The following SH3RF3 variants were observed in gnomAD, a reference collection of about 807,000 sequenced individuals.
The protein encoded by SH3RF3 is E3 ubiquitin-protein ligase SH3RF3.
Under a neutral mutation model 66.3 loss-of-function variants are expected in SH3RF3, and 29 were observed. The ratio of observed to expected loss-of-function variants is 0.44; its 90% CI spans 0.33 to 0.60. The LOEUF (loss-of-function observed/expected upper bound fraction) is 0.60. SH3RF3 is among the 20% of genes least tolerant of loss of function. The pLI, the probability that SH3RF3 is intolerant of heterozygous loss-of-function variation, is 0.04. For synonymous variants in SH3RF3, 583 were observed against 532.0 expected (o/e 1.10, Z -1.32); for missense variants, 1,194 against 1,190.9 (o/e 1.00, Z -0.04).
rs70956302 is a variant in SH3RF3 at position 109,163,390 on chromosome 2, C to CTTTTTTT, written c.573+33297_573+33303dup. ...AATAGATTAACCAAGAGCAAATATT[C>CTTTTTTT]TTTTTTTTTTTTTTTTTTTTTTTTT... On this transcript the variant is annotated intron_variant, in intron 1 of 9. Coordinates refer to ENST00000309415, the MANE Select transcript of SH3RF3 (RefSeq NM_001099289.3). 1.1e-4 allele frequency among the ~76,000 whole-genome samples: 8 copies of CTTTTTTT among 70,266 alleles called. 1 individual carries two copies. The highest frequency in any genetic ancestry group is 3.5e-4 in the African/African-American group (6 of 16,934). 46.1% of individuals were successfully genotyped at this position (70,266 alleles called of 152,430 possible).
At chr2:109,387,525 C>G (rs1675855162) in intron 3 of SH3RF3, among the ~76,000 whole-genome samples, 1 of 152,230 alleles carries the variant, frequency 6.6e-6, no homozygotes, top group Admixed American at 6.5e-5. Context: ...CTGTTCCCAC[C>G]TGCCCATCAC....
At chr2:109,349,820 G>A (rs565700152) in intron 2 of SH3RF3, among the ~76,000 whole-genome samples, 283 of 152,364 alleles carry the variant, frequency 1.9e-3, no homozygotes, top group African/African-American at 6.2e-3. Flanking sequence ...CATATAACCT[G>A]CTGCATTCCA....
intron 2 of SH3RF3, among the ~76,000 whole-genome samples, chr2:109,368,716 A>G (rs1476324864): frequency 6.6e-6 from 1 of 150,828 alleles, no homozygotes; most frequent in African/African-American, 2.4e-5. Flanking sequence ...TTTAAAAAAA[A>G]AAAAAAAGAA....
intron 1 of SH3RF3, among the ~76,000 whole-genome samples, chr2:109,314,223 C>G (rs944510795): frequency 6.6e-6 from 1 of 152,122 alleles, no homozygotes; most frequent in Non-Finnish European, 1.5e-5. Context: ...CCATGTGGGT[C>G]ATGTATATTT....
At chr2:109,282,768 G>T (rs971802168) in intron 1 of SH3RF3, among the ~76,000 whole-genome samples, 2 of 152,226 alleles carry the variant, frequency 1.3e-5, no homozygotes, top group African/African-American at 4.8e-5. Flanking sequence ...GGAGAAAGCT[G>T]CAGAAGAGCT....
chr2:109,401,684 C>T (rs551476873), intron 4 of SH3RF3, among the ~76,000 whole-genome samples: 7 of 152,194 alleles, frequency 4.6e-5, no homozygotes, highest in Non-Finnish European at 1.0e-4. Flanking sequence ...CCCACAGGCC[C>T]CTGAGATGTG....
At chr2:109,314,188 G>C (rs1262592002) in intron 1 of SH3RF3, among the ~76,000 whole-genome samples, 2 of 152,162 alleles carry the variant, frequency 1.3e-5, no homozygotes, top group Non-Finnish European at 2.9e-5. Flanking sequence ...CAGCGGGTGG[G>C]TGTCCAGAGA....
In SH3RF3 at chr2:109,130,109, CA is replaced by C; in HGVS notation, c.572del (p.Lys191ArgfsTer79). The C allele has an allele frequency of 7.5e-7, 1 of 1,325,724 alleles. No individual in the cohort carries two copies. Among genetic ancestry groups the C allele is most frequent in the South Asian group, 2.0e-5 (1 of 48,964 alleles). 82.1% of individuals were successfully genotyped at this position (1,325,724 alleles called of 1,614,324 possible). A position where few individuals can be genotyped will look rare whatever the true frequency, so the allele number is the denominator to read the frequency against. On this transcript the variant is annotated frameshift_variant, in exon 1 of 10. Coordinates refer to ENST00000309415, the MANE Select transcript of SH3RF3 (RefSeq NM_001099289.3). LOFTEE classifies it high-confidence loss of function. ...GCGACCAGCAGGACCGCGCCGGCGG[CA>C]AAGGTGAGTATCTGTCTCGGCGGAA... The part of the protein sequence containing the change: ...ELATSRTAPA[A>X]KNPCLLPYGK...
At chr2:109,365,368 C>T (rs144194370) in intron 2 of SH3RF3, among the ~76,000 whole-genome samples, 2 of 152,310 alleles carry the variant, frequency 1.3e-5, no homozygotes, top group Admixed American at 6.5e-5. Context: ...CCCTCCTAGC[C>T]GAGCACTGCT....
intron 2 of SH3RF3, among the ~76,000 whole-genome samples, chr2:109,369,229 T>G (rs1255027193): frequency 6.7e-6 from 1 of 149,732 alleles, no homozygotes; most frequent in Admixed American, 6.6e-5. Flanking sequence ...GCACCTGTAG[T>G]CCCAGCTACT....
intron 1 of SH3RF3, among the ~76,000 whole-genome samples, chr2:109,143,193 A>G (rs1490057136): frequency 6.6e-6 from 1 of 152,240 alleles, no homozygotes; most frequent in African/African-American, 2.4e-5. Context: ...TGGTGCATAT[A>G]GAAAAATTGT....
intron 9 of SH3RF3, among the ~76,000 whole-genome samples, chr2:109,500,907 A>G (rs892484879): frequency 6.6e-6 from 1 of 152,190 alleles, no homozygotes; most frequent in African/African-American, 2.4e-5. Flanking sequence ...CTAGGATCAT[A>G]CCACGGCACT....
intron 8 of SH3RF3, among the ~76,000 whole-genome samples, chr2:109,486,403 A>G (rs1204559354): frequency 2.0e-5 from 3 of 152,176 alleles, no homozygotes; most frequent in Non-Finnish European, 2.9e-5. Context: ...AGGCAGGTGG[A>G]GGTCTTGGAT....
At chr2:109,240,985 C>A (rs1273410558) in intron 1 of SH3RF3, among the ~76,000 whole-genome samples, 1 of 152,040 alleles carries the variant, frequency 6.6e-6, no homozygotes, top group Non-Finnish European at 1.5e-5. Context: ...TCCACATCTC[C>A]CCAAAAACTC....
At chr2:109,405,237 A>G (rs529382000) in intron 4 of SH3RF3, among the ~76,000 whole-genome samples, 17 of 151,932 alleles carry the variant, frequency 1.1e-4, no homozygotes, top group African/African-American at 3.9e-4. Context: ...AACCGATGAC[A>G]CCCCTCTTTC....
At chr2:109,342,738 C>T (rs1019615169) in intron 1 of SH3RF3, among the ~76,000 whole-genome samples, 2 of 152,220 alleles carry the variant, frequency 1.3e-5, no homozygotes, top group African/African-American at 4.8e-5. Context: ...ATGCCTGATT[C>T]CAGTAGAAGC....
chr2:109,234,122 T>C (rs1392053503), intron 1 of SH3RF3, among the ~76,000 whole-genome samples: 1 of 152,216 alleles, frequency 6.6e-6, no homozygotes, highest in African/African-American at 2.4e-5. Flanking sequence ...AATTTCCTTA[T>C]AGGAAATGCC....
intron 1 of SH3RF3, among the ~76,000 whole-genome samples, chr2:109,245,055 C>A (rs908001821): frequency 1.3e-5 from 2 of 152,142 alleles, no homozygotes; most frequent in African/African-American, 4.8e-5. Context: ...GTTGTCTGGG[C>A]AGCCTTGTGC....
Position 109,129,659 on chromosome 2 carries a change from C to CG in SH3RF3, c.124dup (p.Ala42GlyfsTer171). On this transcript the variant is annotated frameshift_variant, in exon 1 of 10. Transcript: ENST00000309415. LOFTEE classifies it high-confidence loss of function. Reference sequence around the variant, plus strand: ...CGGCGTCGGGCGGCGGCCACCGCCGCGGGGGCGGGCGAGGACATGGACGAG... The same window carrying CG: ...CGGCGTCGGGCGGCGGCCACCGCCGCGGGGGGCGGGCGAGGACATGGACGAG... The CG allele has an allele frequency of 6.6e-7, 1 of 1,506,162 alleles. No homozygotes were observed. Among genetic ancestry groups the CG allele is most frequent in the Non-Finnish European group, 8.8e-7 (1 of 1,134,248 alleles). 93.3% of individuals were successfully genotyped at this position (1,506,162 alleles called of 1,614,324 possible). A position where few individuals can be genotyped will look rare whatever the true frequency, so the allele number is the denominator to read the frequency against.
Sources: gnomAD v4.1 joint callset for allele counts (sites outside exome capture counted in the v4.1 genomes callset) on GRCh38, gnomAD v4.1.1 for gene constraint, MANE v1.5 for transcripts, NCBI Gene and HGNC (gene_info 2026-07-23, HGNC 2026-07-21) for gene names.